The following NSD2 variants were observed in gnomAD, a reference collection of about 807,000 sequenced individuals.
NSD2 encodes the protein histone-lysine N-methyltransferase NSD2.
A neutral mutation model predicts 139.0 loss-of-function variants in NSD2; 12 were observed. The observed-to-expected ratio is 0.09, with a 90% confidence interval of 0.06 to 0.14. The LOEUF (loss-of-function observed/expected upper bound fraction) is 0.14, where lower values mean the gene tolerates loss of function less well. Among genes scored for constraint, NSD2 ranks in the 10% least tolerant of loss-of-function variants. The pLI is 1.00. For synonymous variants in NSD2, 669 were observed against 648.7 expected (o/e 1.03, Z -0.48); for missense variants, 1,155 against 1,745.0 (o/e 0.66, Z 6.02).
rs1727382426 is a variant in NSD2, at chr4:1,978,585, T to TG, written c.3827-52dup. On this transcript the variant is annotated intron_variant, in intron 21 of 21. Coordinates refer to ENST00000508803, the MANE Select transcript of NSD2 (RefSeq NM_001042424.3). Reference sequence around the variant, plus strand: ...AAGTCATCTTCAACCACGATAATGTTGAAGTCGTGATTCCATCACTTCTGT... The same window carrying TG: ...AAGTCATCTTCAACCACGATAATGTTGGAAGTCGTGATTCCATCACTTCTGT... The TG allele has an allele frequency of 1.9e-6, 3 of 1,553,616 alleles. 1 individual carries two copies. In the South Asian group the frequency reaches 3.7e-5, roughly 19 times the overall value.
At position 1,951,145 on chromosome 4, in the gene NSD2, C is replaced by G; in HGVS notation, c.1955C>G (p.Ser652Cys). 6.2e-7 allele frequency: 1 copy of G among 1,614,228 alleles called. No homozygotes were observed. Among genetic ancestry groups the G allele is most frequent in the Non-Finnish European group, 8.5e-7 (1 of 1,180,040 alleles). Residue 652 changes from serine (S) to cysteine (C), a missense_variant, in exon 10 of 22, where the codon TCT (serine) becomes TGT (cysteine). By Grantham distance (112) the Ser-to-Cys change is moderately radical. This residue lies in a region of NSD2 where 420 missense variants were observed against 469.0 expected (regional missense o/e 0.90). Coordinates refer to ENST00000508803, the MANE Select transcript of NSD2 (RefSeq NM_001042424.3). ...ESADETQTEVSVSSKKSERGV... is the reference protein window; with the variant it reads ...ESADETQTEVCVSSKKSERGV... Reference sequence around the variant, plus strand: ...GCAGACGAAACACAAACTGAAGTATCTGTCTCATCCAAAAAGTCTGAGCGA... The same window carrying G: ...GCAGACGAAACACAAACTGAAGTATGTGTCTCATCCAAAAAGTCTGAGCGA...
At chr4:1,927,316 G>T (rs1721044582) in intron 5 of NSD2, among the ~76,000 whole-genome samples, 2 of 152,154 alleles carry the variant, frequency 1.3e-5, no homozygotes, top group Non-Finnish European at 2.9e-5. Flanking sequence ...AGTAGTGGGG[G>T]CTTGAGCTCT....
At chr4:1,885,743 A>G (rs1272324821) in intron 1 of NSD2, among the ~76,000 whole-genome samples, 1 of 151,224 alleles carries the variant, frequency 6.6e-6, no homozygotes, top group Non-Finnish European at 1.5e-5. Flanking sequence ...CCTCTTTGTT[A>G]CCACCCAGAG....
chr4:1,952,533 T>A (rs1354047684), intron 11 of NSD2, among the ~76,000 whole-genome samples: 1 of 152,206 alleles, frequency 6.6e-6, no homozygotes, highest in African/African-American at 2.4e-5. Flanking sequence ...GAGCCTGTGC[T>A]ATGTGTGAGG....
At chr4:1,967,577 CAAA>C (rs747771794) in intron 18 of NSD2, among the ~76,000 whole-genome samples, 3 of 118,968 alleles carry the variant, frequency 2.5e-5, no homozygotes, top group Non-Finnish European at 1.8e-5. Context: ...GACTTTGTCT[CAAA>C]AAAAAAAAAA....
intron 3 of NSD2, among the ~76,000 whole-genome samples, chr4:1,909,632 C>G (rs1718398666): frequency 6.6e-6 from 1 of 151,866 alleles, no homozygotes; most frequent in Non-Finnish European, 1.5e-5. Flanking sequence ...ATCCTCTATT[C>G]CTATCCTTTT....
In NSD2 at chr4:1,979,125, G is replaced by A. The variant is rs1420204547; in HGVS notation, c.*216G>A. ...GATGACCGTCTGAGCCCAGCTCAGC[G>A]TTCCTGGACAAACAGCCTCACTCCT... On this transcript the variant is annotated 3_prime_UTR_variant, in exon 22 of 22. Coordinates refer to ENST00000508803, the MANE Select transcript of NSD2 (RefSeq NM_001042424.3). 7 of 484,884 alleles carry A rather than the reference G, an allele frequency of 1.4e-5. No individual in the cohort carries two copies. The highest frequency in any genetic ancestry group is 6.2e-5 in the South Asian group (1 of 16,130). 30.0% of individuals were successfully genotyped at this position (484,884 alleles called of 1,614,324 possible).
intron 6 of NSD2, among the ~76,000 whole-genome samples, chr4:1,932,244 C>CTG (rs1263318874): frequency 1.4e-4 from 22 of 152,088 alleles, no homozygotes; most frequent in Admixed American, 3.9e-4. Context: ...CAAGACCAGC[C>CTG]TGGCCAACAT....
intron 1 of NSD2, among the ~76,000 whole-genome samples, chr4:1,875,851 G>A (rs1359282446): frequency 6.6e-6 from 1 of 151,688 alleles, no homozygotes; most frequent in Non-Finnish European, 1.5e-5. Context: ...GGAGCTTGCA[G>A]TGAGCCAAGA....
chr4:1,980,149 C>T lies in NSD2; in HGVS notation c.*1240C>T, dbSNP rs1424168021. The T allele has an allele frequency of 8.6e-6, 2 of 233,262 alleles. No homozygotes were observed. The highest frequency in any genetic ancestry group is 1.7e-5 in the Non-Finnish European group (2 of 118,092). 14.4% of individuals were successfully genotyped at this position (233,262 alleles called of 1,614,324 possible). On this transcript the variant is annotated 3_prime_UTR_variant, in exon 22 of 22. Transcript: ENST00000508803. ...GCGTGCCTCGTACGTGTGTTATGGGCACTGGTCTAGGCCAGGTATGACACC... is the reference window on the plus strand; with the variant it reads ...GCGTGCCTCGTACGTGTGTTATGGGTACTGGTCTAGGCCAGGTATGACACC...
chr4:1,874,650 G>T (rs1714117615), intron 1 of NSD2, among the ~76,000 whole-genome samples: 1 of 152,140 alleles, frequency 6.6e-6, no homozygotes, highest in Non-Finnish European at 1.5e-5. Flanking sequence ...CTTGGCTAAG[G>T]TCACTCTGAA....
intron 18 of NSD2, 88 bp downstream of exon 18, chr4:1,961,239 C>A (rs1725335697): frequency 9.6e-7 from 1 of 1,045,986 alleles, no homozygotes. Flanking sequence ...TGCCCTGTGG[C>A]AGCGCCAGCA....
intron 15 of NSD2, among the ~76,000 whole-genome samples, chr4:1,957,082 G>T (rs1338855206): frequency 1.3e-5 from 2 of 152,212 alleles, no homozygotes; most frequent in Non-Finnish European, 2.9e-5. Context: ...CAGGTGTCCT[G>T]TAGAGCCAGA....
intron 5 of NSD2, among the ~76,000 whole-genome samples, chr4:1,929,661 T>C (rs1055592484): frequency 6.6e-6 from 1 of 152,224 alleles, no homozygotes; most frequent in Non-Finnish European, 1.5e-5. Context: ...TTGAATTTCC[T>C]GTAATTTTTG....
At chr4:1,936,667 C>CAAAA (rs879590049) in intron 7 of NSD2, among the ~76,000 whole-genome samples, 2 of 52,488 alleles carry the variant, frequency 3.8e-5, no homozygotes, top group Non-Finnish European at 9.1e-5. Context: ...GACTCCATCT[C>CAAAA]AAAAAAAAAA....
chr4:1,957,287 T>C (rs1301149765), intron 15 of NSD2, among the ~76,000 whole-genome samples: 2 of 150,726 alleles, frequency 1.3e-5, no homozygotes, highest in African/African-American at 4.9e-5. Flanking sequence ...TTTTTGTTTT[T>C]GTTTTTTTTT....
chr4:1,890,480 T>G (rs1460521274), intron 1 of NSD2, among the ~76,000 whole-genome samples: 1 of 151,640 alleles, frequency 6.6e-6, no homozygotes, highest in Non-Finnish European at 1.5e-5. Context: ...TTTTTGTATT[T>G]TTAGTAGAGA....
At chr4:1,968,154 T>C (rs17132105) in intron 18 of NSD2, among the ~76,000 whole-genome samples, 7,234 of 152,290 alleles carry the variant, frequency 0.048, 566 homozygotes, top group African/African-American at 0.16. Context: ...GAGCTGACCA[T>C]CAGTATAATT....
chr4:1,968,743 C>T (rs1726139322), intron 18 of NSD2, among the ~76,000 whole-genome samples: 1 of 152,130 alleles, frequency 6.6e-6, no homozygotes, highest in Non-Finnish European at 1.5e-5. Context: ...CAAGGAAAGG[C>T]TCCCACAGGC....
Sources: gnomAD v4.1 joint callset for allele counts (sites outside exome capture counted in the v4.1 genomes callset) on GRCh38, gnomAD v4.1.1 for gene constraint, gnomAD v4.1.1 regional missense constraint, MANE v1.5 for transcripts, NCBI Gene and HGNC (gene_info 2026-07-23, HGNC 2026-07-21) for gene names.